The following LHX3 variants were observed in gnomAD, a reference collection of about 807,000 sequenced individuals.
LHX3 encodes the protein LIM/homeobox protein Lhx3.
LHX3 carries 21 observed loss-of-function variants against 32.4 expected under a neutral mutation model. That is an observed-to-expected ratio of 0.65 (90% confidence interval 0.46 to 0.93). The LOEUF is 0.93. Among genes scored for constraint, LHX3 ranks in the 40% least tolerant of loss-of-function variants. LHX3 has a pLI of 0.00. For synonymous variants in LHX3, 258 were observed against 246.8 expected (o/e 1.05, Z -0.43); for missense variants, 626 against 560.0 (o/e 1.12, Z -1.19).
intron 3 of LHX3, 78 bp from the exon 4 acceptor site, chr9:136,199,137 C>T (rs1171927084): frequency 7.1e-6 from 6 of 842,712 alleles, no homozygotes; most frequent in Admixed American, 4.6e-5. Context: ...CCCCGGCCGG[C>T]GCGGGGACGT....
At chr9:136,201,798 G>T in intron 1 of LHX3, 2 of 751,090 alleles carry the variant, frequency 2.7e-6, no homozygotes, top group Non-Finnish European at 1.6e-6. Flanking sequence ...CCGCAGCTCC[G>T]GGTGCGGAGC....
In LHX3 at chr9:136,204,993, A is replaced by G. The variant is rs1404196180; in HGVS notation, c.20T>C (p.Leu7Pro). Residue 7 changes from leucine (L) to proline (P), a missense_variant, in exon 1 of 6, where the codon CTC (leucine) becomes CCC (proline). Leu to Pro is a moderately conservative substitution (Grantham distance 98). Transcript: ENST00000371748. Reference sequence around the variant, plus strand: ...CCCGGGCCTCGCTCGGTCGCGCTCGAGCCCCGTTTCCAGCAGCATCGCGGC... The same window carrying G: ...CCCGGGCCTCGCTCGGTCGCGCTCGGGCCCCGTTTCCAGCAGCATCGCGGC... MLLETGLERDRARPGAA... is the reference protein window; with the variant it reads MLLETGPERDRARPGAA... The G allele has an allele frequency of 1.9e-6, 3 of 1,591,184 alleles. No homozygotes were observed. Among genetic ancestry groups the G allele is most frequent in the Non-Finnish European group, 2.6e-6 (3 of 1,173,558 alleles).
chr9:136,201,148 C>T (rs999371023), intron 1 of LHX3: 62 of 1,383,352 alleles, frequency 4.5e-5, no homozygotes, highest in African/African-American at 7.3e-5. Context: ...CATAGGGAAA[C>T]GGGTCTTCAC....
intron 1 of LHX3, chr9:136,201,793 G>T: frequency 1.3e-6 from 1 of 781,154 alleles, no homozygotes; most frequent in Non-Finnish European, 1.6e-6. Flanking sequence ...CAAAACCGCA[G>T]CTCCGGGTGC....
chr9:136,199,832 C>T lies in LHX3; in HGVS notation c.300G>A (p.Thr100=). ...AGTCCTGGGCGCGGCGCACCACCTG[C>T]GTGGGCGGGATGCCCAGCTGGCACG... ...CAACQLGIPP[T]QVVRRAQDFV... The change falls in exon 3 of 6, where the codon ACG becomes ACA. Residue 100 remains threonine (T), a synonymous_variant. Transcript: ENST00000371748. 1 of 1,609,436 alleles carries T rather than the reference C, an allele frequency of 6.2e-7. No individual in the cohort carries two copies. Among genetic ancestry groups the T allele is most frequent in the East Asian group, 2.2e-5 (1 of 44,682 alleles).
Position 136,205,007 on chromosome 9 carries a change from C to T in LHX3, c.6G>A (p.Leu2=), listed in dbSNP as rs1011869925. 1 of 1,585,246 alleles carries T rather than the reference C, an allele frequency of 6.3e-7. No homozygotes were observed. Among genetic ancestry groups the T allele is most frequent in the Admixed American group, 1.7e-5 (1 of 58,338 alleles). The stretch of plus-strand genomic sequence containing the variant: ...GGTCGCGCTCGAGCCCCGTTTCCAG[C>T]AGCATCGCGGCCACCAGGCCGAGTG... The part of the protein sequence containing the change: M[L]LETGLERDRA... The change falls in exon 1 of 6, where the codon CTG becomes CTA. Residue 2 remains leucine (L), a synonymous_variant. Transcript: ENST00000371748.
chr9:136,200,700 T>C lies in LHX3; in HGVS notation c.133A>G (p.Lys45Glu). Residue 45 changes from lysine to glutamate, a missense_variant, in exon 2 of 6, where the codon AAG (lysine) becomes GAG (glutamate). By Grantham distance (56) the Lys-to-Glu change is moderately conservative. Coordinates refer to ENST00000371748, the MANE Select transcript of LHX3 (RefSeq NM_178138.6). ...CTGTGCCAGTGGCGGTCCAGAGCCTTGAGGATGAAGCGGTCCAGGATGTGC... is the reference window on the plus strand; with the variant it reads ...CTGTGCCAGTGGCGGTCCAGAGCCTCGAGGATGAAGCGGTCCAGGATGTGC... ...DQHILDRFIL[K>E]ALDRHWHSKC... 1.2e-6 allele frequency: 2 copies of C among 1,613,494 alleles called. No homozygotes were observed. Among genetic ancestry groups the C allele is most frequent in the Non-Finnish European group, 1.7e-6 (2 of 1,179,992 alleles).
chr9:136,203,324 C>T lies in LHX3; in HGVS notation c.79+1610G>A, dbSNP rs538641824. ...GGACCTGCGGTGCCCAGAGGCCGCC[C>T]CGCGTGCCCGGCCCGAGGGCGGGCA... On this transcript the variant is annotated intron_variant, in intron 1 of 5. Transcript: ENST00000371748. Among the ~76,000 whole-genome samples, 27 of 151,986 alleles carry T rather than the reference C, an allele frequency of 1.8e-4. No individual in the cohort carries two copies. The South Asian group carries it at 4.8e-3, about 27-fold the overall frequency.
chr9:136,202,934 C>G, intron 1 of LHX3: 1 of 1,532,234 alleles, frequency 6.5e-7, no homozygotes, highest in Non-Finnish European at 8.7e-7. Flanking sequence ...GCCACTCGGC[C>G]CGGGCACCCA....
intron 1 of LHX3, chr9:136,203,101 A>AC (rs1831685204): frequency 7.5e-6 from 11 of 1,468,620 alleles, no homozygotes; most frequent in Non-Finnish European, 9.9e-6. Context: ...CAGCGACGCC[A>AC]CCCCGCAATA....
chr9:136,203,062 C>T (rs927143161), intron 1 of LHX3: 1 of 1,516,226 alleles, frequency 6.6e-7, no homozygotes, highest in African/African-American at 1.4e-5. Flanking sequence ...CCGGCGTCGC[C>T]ACTCTCCAGT....
At chr9:136,204,850 T>C in intron 1 of LHX3, 84 bp downstream of exon 1, 1 of 1,152,822 alleles carries the variant, frequency 8.7e-7, no homozygotes, top group Non-Finnish European at 1.3e-6. Context: ...TTTCTTTGCC[T>C]GGCCGCTGGC....
Position 136,204,968 on chromosome 9 carries a change from C to T in LHX3, c.45G>A (p.Gly15=). The T allele has an allele frequency of 6.3e-7, 1 of 1,598,488 alleles. No individual in the cohort carries two copies. The highest frequency in any genetic ancestry group is 8.5e-7 in the Non-Finnish European group (1 of 1,175,636). ...CGCCCAAGGTGCAGACGGCGGCGGC[C>T]CCGGGCCTCGCTCGGTCGCGCTCGA... is the stretch of plus-strand genomic sequence containing the variant. ...TGLERDRARP[G]AAAVCTLGGT... The change falls in exon 1 of 6, where the codon GGG becomes GGA. Residue 15 remains glycine, a synonymous_variant. Coordinates refer to ENST00000371748, the MANE Select transcript of LHX3 (RefSeq NM_178138.6).
chr9:136,201,720 A>T (rs1384091585), intron 1 of LHX3: 1 of 985,358 alleles, frequency 1.0e-6, no homozygotes, highest in African/African-American at 1.7e-5. Context: ...CCGGCGGAAA[A>T]AACTGGGCTG....
chr9:136,201,561 C>T (rs1831640164), intron 1 of LHX3: 1 of 1,077,632 alleles, frequency 9.3e-7, no homozygotes, highest in Non-Finnish European at 1.1e-6. Flanking sequence ...TCCCTCTTCA[C>T]TTAGAAAAAG....
rs771350989 is a variant in LHX3, at chr9:136,198,931, C to G, written c.583G>C (p.Gly195Arg). The G allele has an allele frequency of 1.1e-5, 17 of 1,588,402 alleles. No homozygotes were observed. Among genetic ancestry groups the G allele is most frequent in the Non-Finnish European group, 1.5e-5 (17 of 1,171,916 alleles). The part of the protein sequence containing the change: ...HVREQLSSET[G>R]LDMRVVQVWF... ...ACCTGCACCACGCGCATGTCCAGGC[C>G]CGTCTCGGACGAGAGCTGCTCGCGC... Residue 195 changes from glycine to arginine, a missense_variant, in exon 4 of 6, where the codon GGC (glycine) becomes CGC (arginine). By Grantham distance (125) the Gly-to-Arg change is moderately radical (BLOSUM62 -2). Transcript: ENST00000371748.
At chr9:136,203,997 C>G (rs1430356981) in intron 1 of LHX3, among the ~76,000 whole-genome samples, 1 of 152,220 alleles carries the variant, frequency 6.6e-6, no homozygotes, top group African/African-American at 2.4e-5. Flanking sequence ...CAGTGGGTGG[C>G]CCTCGGCAGC....
At chr9:136,204,555 C>T (rs1462332824) in intron 1 of LHX3, among the ~76,000 whole-genome samples, 3 of 152,112 alleles carry the variant, frequency 2.0e-5, no homozygotes, top group African/African-American at 4.8e-5. Flanking sequence ...GTGGTTCAGG[C>T]GGGAGACACA....
chr9:136,197,866 G>A (rs1831536478), intron 5 of LHX3, 123 bp from the exon 6 acceptor site: 4 of 1,000,264 alleles, frequency 4.0e-6, no homozygotes, highest in Non-Finnish European at 4.5e-6. Flanking sequence ...CCACATGACA[G>A]GTCATAACAG....
Sources: gnomAD v4.1 joint callset for allele counts (sites outside exome capture counted in the v4.1 genomes callset) on GRCh38, gnomAD v4.1.1 for gene constraint, MANE v1.5 for transcripts, NCBI Gene and HGNC (gene_info 2026-07-23, HGNC 2026-07-21) for gene names.